The following SHOX variants were observed in gnomAD, a reference collection of about 807,000 sequenced individuals.
SHOX encodes the protein SHOX homeobox, also known as short stature homeobox protein.
SHOX carries 12 observed loss-of-function variants against 29.6 expected under a neutral mutation model. That is an observed-to-expected ratio of 0.41 (90% CI 0.26 to 0.66). SHOX has a LOEUF of 0.66. Among genes scored for constraint, SHOX ranks in the 30% least tolerant of loss-of-function variants. SHOX has a pLI of 0.35. For synonymous variants in SHOX, 214 were observed against 200.6 expected, an observed-to-expected ratio of 1.07 and a Z score of -0.57; for missense variants, 499 against 437.7, an observed-to-expected ratio of 1.14 and a Z score of -1.25.
chrX:625,729 T>TC lies in SHOX; in HGVS notation c.-433+1128dup, dbSNP rs1288591573. On this transcript the variant is annotated intron_variant, in intron 1 of 5. Transcript: ENST00000334060. ...TTTCTATCTCTGTCTCTCTCTCTCC[T>TC]CTCTCTCTGTCTCTTTTTCTCTGTC... is the stretch of plus-strand genomic sequence containing the variant. Among the ~76,000 whole-genome samples the TC allele has an allele frequency of 3.3e-4, 41 of 124,872 alleles. 1 individual carries two copies. The highest frequency in any genetic ancestry group is 8.2e-4 in the African/African-American group (28 of 34,138). 81.9% of individuals were successfully genotyped at this position (124,872 alleles called of 152,430 possible). A position where few individuals can be genotyped will look rare whatever the true frequency, so the allele number is the denominator to read the frequency against.
intron 1 of SHOX, among the ~76,000 whole-genome samples, chrX:634,327 A>AG (rs1491448927): frequency 2.9e-5 from 2 of 69,266 alleles, no homozygotes; most frequent in Non-Finnish European, 3.9e-5. Flanking sequence ...CACTCTCCTT[A>AG]AAAAAAAAAA....
exon 6 of SHOX, chrX:658,847 C>T: frequency 2.6e-6 from 1 of 382,508 alleles, no homozygotes; most frequent in Non-Finnish European, 5.3e-6. Context: ...TCACTGCAAC[C>T]TCCGCCTCCC....
chrX:630,597 C>T (rs1301198035), upstream of SHOX: 9 of 542,850 alleles, frequency 1.7e-5, no homozygotes, highest in Non-Finnish European at 6.6e-6. Flanking sequence ...CCCCTTCGCA[C>T]CAAGGTGTAC....
chrX:640,405 G>A (rs781699409), intron 2 of SHOX, among the ~76,000 whole-genome samples: 6 of 151,042 alleles, frequency 4.0e-5, no homozygotes, highest in Admixed American at 2.6e-4. Flanking sequence ...TGGTGAAACC[G>A]CGTCTCTACT....
At chrX:655,088 A>G (rs753676665), downstream of SHOX, among the ~76,000 whole-genome samples, 4 of 151,964 alleles carry the variant, frequency 2.6e-5, no homozygotes, top group East Asian at 7.9e-4. Flanking sequence ...ATCTCTAAAT[A>G]AATGAATAAA....
intron 1 of SHOX, among the ~76,000 whole-genome samples, chrX:625,202 TTCTC>T (rs1457534617): frequency 6.9e-5 from 8 of 115,540 alleles, no homozygotes; most frequent in African/African-American, 2.3e-4. Flanking sequence ...CTCCTCCTCC[TTCTC>T]CTCCTCCTCC....
upstream of SHOX, among the ~76,000 whole-genome samples, chrX:626,906 T>A (rs1215011867): frequency 6.6e-6 from 1 of 151,480 alleles, no homozygotes; most frequent in Non-Finnish European, 1.5e-5. Flanking sequence ...TTTCTCTGTC[T>A]CTCTCTGTGT....
chrX:653,114 A>G (rs184468461), downstream of SHOX, among the ~76,000 whole-genome samples: 575 of 152,166 alleles, frequency 3.8e-3, 6 homozygotes, highest in African/African-American at 0.013. Flanking sequence ...GGTGGTGTGT[A>G]TCTGTAATCC....
rs1172628448 is a variant in SHOX at position 645,737 on chromosome X, G to C, written c.*1101G>C. 1 of 152,178 alleles carries C rather than the reference G, an allele frequency of 6.6e-6. No homozygotes were observed. The highest frequency in any genetic ancestry group is 1.5e-5 in the Non-Finnish European group (1 of 68,060). The allele number at this position is 152,178 out of a possible 1,614,324, so 9.4% of individuals were successfully genotyped here. ...TCTGAAGGGGATAAAAGAGGGCACG[G>C]TGGTGCCAAGATATCAGTTTGGTAC... On this transcript the variant is annotated 3_prime_UTR_variant, in exon 5 of 5. Coordinates refer to ENST00000686671, the MANE Select transcript of SHOX (RefSeq NM_000451.4).
intron 2 of SHOX, 50 bp from the exon 3 acceptor site, chrX:640,771 C>T (rs767939044): frequency 1.9e-6 from 3 of 1,604,572 alleles, no homozygotes; most frequent in Non-Finnish European, 2.6e-6. Flanking sequence ...CCTGGGGAGG[C>T]TGGGCTGGGT....
At chrX:627,151 G>C (rs1373457052), upstream of SHOX, among the ~76,000 whole-genome samples, 2 of 152,168 alleles carry the variant, frequency 1.3e-5, no homozygotes, top group Non-Finnish European at 2.9e-5. Context: ...CAGGCCAAGA[G>C]AGGTGCAGAC....
intron 5 of SHOX, among the ~76,000 whole-genome samples, chrX:657,721 C>T (rs949159500): frequency 2.0e-4 from 30 of 152,104 alleles, no homozygotes; most frequent in African/African-American, 6.3e-4. Context: ...TTCTCAGAAG[C>T]GAGTTGAACG....
intron 4 of SHOX, among the ~76,000 whole-genome samples, chrX:643,698 G>A (rs1330690803): frequency 1.6e-5 from 2 of 123,952 alleles, no homozygotes; most frequent in East Asian, 5.0e-4. Flanking sequence ...CTGGTGACCC[G>A]GGAGAGGCTT....
At chrX:632,665 G>A (rs2052671636) in intron 1 of SHOX, among the ~76,000 whole-genome samples, 1 of 152,208 alleles carries the variant, frequency 6.6e-6, no homozygotes, top group Admixed American at 6.5e-5. Flanking sequence ...GAAGCAGAAA[G>A]CTGTGGCTAC....
At position 646,666 on chromosome X, in the gene SHOX, C is replaced by G. The variant is rs984477872; in HGVS notation, c.*2030C>G. 1 of 152,036 alleles carries G rather than the reference C, an allele frequency of 6.6e-6. No individual in the cohort carries two copies. Among genetic ancestry groups the G allele is most frequent in the African/African-American group, 2.4e-5 (1 of 41,382 alleles). 9.4% of individuals were successfully genotyped at this position (152,036 alleles called of 1,614,324 possible). ...TATTCTTTATACAAACCAAAAGTCC[C>G]CTTCAACATTTTTTATGTCAAAATG... is the stretch of plus-strand genomic sequence containing the variant. On this transcript the variant is annotated 3_prime_UTR_variant, in exon 5 of 5. Coordinates refer to ENST00000686671, the MANE Select transcript of SHOX (RefSeq NM_000451.4).
chrX:637,522 G>A (rs1330235454), intron 2 of SHOX, among the ~76,000 whole-genome samples: 2 of 151,726 alleles, frequency 1.3e-5, no homozygotes, highest in South Asian at 2.1e-4. Context: ...GACAAGCTGG[G>A]GGTTATCGAT....
Position 651,407 on chromosome X carries a change from A to G in SHOX, c.*6771A>G, listed in dbSNP as rs2053060524. On this transcript the variant is annotated 3_prime_UTR_variant, in exon 5 of 5. Coordinates refer to ENST00000686671, the MANE Select transcript of SHOX (RefSeq NM_000451.4). ...AGGGGTAGAAAAAAAACAAACAAAC[A>G]AACAGAAAAAAAAACCAAAAAAAAC... 1 of 425,886 alleles carries G rather than the reference A, an allele frequency of 2.3e-6. No individual in the cohort carries two copies. The highest frequency in any genetic ancestry group is 4.7e-6 in the Non-Finnish European group (1 of 214,788). 26.4% of individuals were successfully genotyped at this position (425,886 alleles called of 1,614,324 possible). A position where few individuals can be genotyped will look rare whatever the true frequency, so the allele number is the denominator to read the frequency against.
chrX:634,468 G>A lies in SHOX; in HGVS notation c.278-150G>A, dbSNP rs1603285186. ...TGGGAAAGCAGCGAGTATCCTCCTC[G>A]GCTTTTGCCTTATGGACCCCACGCA... On this transcript the variant is annotated intron_variant, in intron 1 of 4. Coordinates refer to ENST00000686671, the MANE Select transcript of SHOX (RefSeq NM_000451.4). 7 of 787,422 alleles carry A rather than the reference G, an allele frequency of 8.9e-6. No homozygotes were observed. The Admixed American group carries it at 1.4e-4, about 16-fold the overall frequency. The allele number at this position is 787,422 out of a possible 1,614,324, so 48.8% of individuals were successfully genotyped here. A position where few individuals can be genotyped will look rare whatever the true frequency, so the allele number is the denominator to read the frequency against.
At chrX:630,066 G>A (rs1242541511), upstream of SHOX, among the ~76,000 whole-genome samples, 2 of 152,236 alleles carry the variant, frequency 1.3e-5, no homozygotes, top group African/African-American at 2.4e-5. Flanking sequence ...CGGATCTCCC[G>A]GGGACCTGGG....
Sources: allele counts gnomAD v4.1 joint callset (sites outside exome capture counted in the v4.1 genomes callset), GRCh38; gene constraint gnomAD v4.1.1; transcripts MANE v1.5; gene names NCBI Gene and HGNC (gene_info 2026-07-23, HGNC 2026-07-21).